Variants in ZNF613 observed in about 807,000 individuals in gnomAD.
ZNF613 encodes the protein zinc finger protein 613.
In ZNF613, 8 loss-of-function variants were observed where a neutral mutation model predicts 14.3. The ratio of observed to expected loss-of-function variants is 0.56; its 90% CI spans 0.33 to 1.01. ZNF613 has a LOEUF of 1.01. Among genes scored for constraint, ZNF613 ranks in the 50% least tolerant of loss-of-function variants. ZNF613 has a pLI of 0.03. For missense variants in ZNF613, 656 were observed against 741.9 expected (o/e 0.88, Z 1.35); for synonymous variants, 228 against 254.5 (o/e 0.90, Z 0.99).
intron 1 of ZNF613, among the ~76,000 whole-genome samples, chr19:51,929,154 G>A (rs984031248): frequency 1.4e-4 from 21 of 152,052 alleles, no homozygotes; most frequent in African/African-American, 5.1e-4. Flanking sequence ...ATAATTTGCC[G>A]TATTTAATTT....
Position 51,936,207 on chromosome 19 carries a change from A to G in ZNF613, c.-14A>G. On this transcript the variant is annotated 5_prime_UTR_variant, in exon 3 of 6. Coordinates refer to ENST00000293471, the MANE Select transcript of ZNF613 (RefSeq NM_001031721.4). ...GCATCCTACTTACTGGCTATTTCCCAGTAACAAAAGAAAATGATCAAGTCC... is the reference window on the plus strand; with the variant it reads ...GCATCCTACTTACTGGCTATTTCCCGGTAACAAAAGAAAATGATCAAGTCC... 2.5e-6 allele frequency: 4 copies of G among 1,604,696 alleles called. No individual in the cohort carries two copies. The highest frequency in any genetic ancestry group is 3.4e-6 in the Non-Finnish European group (4 of 1,175,404).
intron 2 of ZNF613, 80 bp from the exon 3 acceptor site, chr19:51,935,948 T>C (rs1263385829): frequency 5.3e-6 from 2 of 375,484 alleles, no homozygotes; most frequent in Non-Finnish European, 9.5e-6. Context: ...GAGATGGCCT[T>C]GCATTAAGGT....
At position 51,944,888 on chromosome 19, in the gene ZNF613, G is replaced by C. The variant is rs146941126; in HGVS notation, c.1005G>C (p.Gln335His). ...FSKRSRLTEH[Q>H]RTHTGEKPYE... Reference sequence around the variant, plus strand: ...AAAGGTCCAGGCTCACTGAACACCAGAGAACTCATACAGGAGAGAAACCCT... The same window carrying C: ...AAAGGTCCAGGCTCACTGAACACCACAGAACTCATACAGGAGAGAAACCCT... Residue 335 changes from glutamine (Q) to histidine (H), a missense_variant, in exon 6 of 6, where the codon CAG becomes CAC. Coordinates refer to ENST00000293471, the MANE Select transcript of ZNF613 (RefSeq NM_001031721.4). 1.9e-6 allele frequency: 3 copies of C among 1,613,250 alleles called. No homozygotes were observed. The highest frequency in any genetic ancestry group is 2.7e-5 in the African/African-American group (2 of 74,612).
intron 3 of ZNF613, among the ~76,000 whole-genome samples, chr19:51,939,001 C>T (rs926415468): frequency 2.6e-5 from 4 of 151,388 alleles, no homozygotes; most frequent in Non-Finnish European, 4.4e-5. Flanking sequence ...TATTTACAGA[C>T]GTATCTGCCT....
At chr19:51,939,931 C>T (rs1348365450) in intron 3 of ZNF613, among the ~76,000 whole-genome samples, 1 of 150,870 alleles carries the variant, frequency 6.6e-6, no homozygotes, top group Non-Finnish European at 1.5e-5. Flanking sequence ...AGAGGATTAG[C>T]AAGAGGATTA....
rs750365497 is a variant in ZNF613, at chr19:51,944,721, A to C, written c.838A>C (p.Lys280Gln). The C allele has an allele frequency of 6.2e-7, 1 of 1,613,910 alleles. No individual in the cohort carries two copies. The highest frequency in any genetic ancestry group is 8.5e-7 in the Non-Finnish European group (1 of 1,180,028). The change falls in exon 6 of 6, where the codon AAA (lysine) becomes CAA (glutamine). Residue 280 changes from lysine (K) to glutamine (Q), a missense_variant. By Grantham distance (53) the Lys-to-Gln change is moderately conservative. Coordinates refer to ENST00000293471, the MANE Select transcript of ZNF613 (RefSeq NM_001031721.4). ...RWKSQLNAHQ[K>Q]IHTGEKSYIC... ...GAAATCACAGCTCAATGCACACCAG[A>C]AAATTCATACAGGAGAGAAGTCATA...
Position 51,940,316 on chromosome 19 carries a change from T to A in ZNF613, c.123T>A (p.Tyr41Ter). 6.2e-7 allele frequency: 1 copy of A among 1,613,532 alleles called. No homozygotes were observed. Among genetic ancestry groups the A allele is most frequent in the Non-Finnish European group, 8.5e-7 (1 of 1,179,686 alleles). Residue 41 changes from tyrosine to a stop codon, truncating the protein, a stop_gained, in exon 4 of 6, where the codon TAT becomes TAA. Coordinates refer to ENST00000293471, the MANE Select transcript of ZNF613 (RefSeq NM_001031721.4). LOFTEE classifies it high-confidence loss of function. ...ACCGAGACGTGATGTTGGAGAACTA[T>A]AGCAACCTCGTGTCAGTGGGTGAGG... ...DLYRDVMLEN[Y>*]SNLVSVGYQA...
intron 1 of ZNF613, 32 bp from the exon 2 acceptor site, chr19:51,929,700 C>T (rs1330804145): frequency 1.3e-5 from 2 of 152,060 alleles, no homozygotes; most frequent in East Asian, 3.8e-4. Flanking sequence ...TCCTTCTACT[C>T]ATCATTAATC....
At chr19:51,930,825 G>A (rs762642002) in intron 2 of ZNF613, among the ~76,000 whole-genome samples, 7 of 152,058 alleles carry the variant, frequency 4.6e-5, no homozygotes, top group Non-Finnish European at 8.8e-5. Context: ...GGTATGTTTA[G>A]CCATTTGAGG....
At chr19:51,940,745 T>G in intron 5 of ZNF613, 36 bp downstream of exon 5, 1 of 1,567,224 alleles carries the variant, frequency 6.4e-7, no homozygotes, top group Non-Finnish European at 8.7e-7. Context: ...GGAGGGTGGC[T>G]GAGCAAGTCA....
rs1568463025 is a variant in ZNF613, at chr19:51,929,786, A to T, written c.-304A>T. 6.6e-6 allele frequency: 1 copy of T among 152,104 alleles called. No individual in the cohort carries two copies. Among genetic ancestry groups the T allele is most frequent in the African/African-American group, 2.4e-5 (1 of 41,410 alleles). The allele number at this position is 152,104 out of a possible 1,614,324, so 9.4% of individuals were successfully genotyped here. Reference sequence around the variant, plus strand: ...GATCTTGAACTCCTGACCTCAAGTGATCCTCTCTCCTTGGCCTCCTAAAGT... The same window carrying T: ...GATCTTGAACTCCTGACCTCAAGTGTTCCTCTCTCCTTGGCCTCCTAAAGT... On this transcript the variant is annotated 5_prime_UTR_variant, in exon 2 of 6. Coordinates refer to ENST00000293471, the MANE Select transcript of ZNF613 (RefSeq NM_001031721.4).
At chr19:51,935,733 T>C in intron 2 of ZNF613, among the ~76,000 whole-genome samples, 1 of 152,170 alleles carries the variant, frequency 6.6e-6, no homozygotes, top group Non-Finnish European at 1.5e-5. Flanking sequence ...ATCTAAGAAG[T>C]TTCTTGGTGT....
intron 1 of ZNF613, 121 bp downstream of exon 1, chr19:51,927,661 T>G (rs1201185524): frequency 6.6e-6 from 1 of 152,374 alleles, no homozygotes; most frequent in Non-Finnish European, 1.5e-5. Context: ...GGTATTGGGG[T>G]TGGGGCGTCT....
intron 5 of ZNF613, 31 bp downstream of exon 5, chr19:51,940,740 G>T (rs1317091370): frequency 6.3e-7 from 1 of 1,576,068 alleles, no homozygotes; most frequent in African/African-American, 1.4e-5. Context: ...AGCAAGGAGG[G>T]TGGCTGAGCA....
chr19:51,938,587 G>C (rs2085322346), intron 3 of ZNF613, among the ~76,000 whole-genome samples: 1 of 151,946 alleles, frequency 6.6e-6, no homozygotes, highest in African/African-American at 2.4e-5. Flanking sequence ...TAAGGGAATG[G>C]GTTGTTGGGA....
chr19:51,929,616 A>G (rs1440866649), intron 1 of ZNF613, 116 bp from the exon 2 acceptor site: 1 of 152,172 alleles, frequency 6.6e-6, no homozygotes, highest in Non-Finnish European at 1.5e-5. Flanking sequence ...ACAATTGAAT[A>G]CCTGTTTGCC....
At chr19:51,934,372 G>T (rs1174157042) in intron 2 of ZNF613, among the ~76,000 whole-genome samples, 1 of 152,052 alleles carries the variant, frequency 6.6e-6, no homozygotes, top group Non-Finnish European at 1.5e-5. Flanking sequence ...TGATGCAAGT[G>T]CACCTTCAGT....
chr19:51,945,280 C>T lies in ZNF613; in HGVS notation c.1397C>T (p.Ser466Leu), dbSNP rs1568468183. ...FVCTECGKSC[S>L]HKSGLINHQR... ...TGTACTGAGTGTGGAAAATCCTGCT[C>T]ACACAAGTCAGGTCTCATTAACCAC... The change falls in exon 6 of 6, where the codon TCA (serine) becomes TTA (leucine). Residue 466 changes from serine (S) to leucine (L), a missense_variant. By Grantham distance (145) the Ser-to-Leu change is moderately radical. Coordinates refer to ENST00000293471, the MANE Select transcript of ZNF613 (RefSeq NM_001031721.4). The T allele has an allele frequency of 1.9e-6, 3 of 1,613,990 alleles. No homozygotes were observed. Among genetic ancestry groups the T allele is most frequent in the African/African-American group, 2.7e-5 (2 of 74,988 alleles).
intron 3 of ZNF613, 31 bp from the exon 4 acceptor site, chr19:51,940,178 C>G (rs766413181): frequency 3.7e-6 from 6 of 1,609,706 alleles, no homozygotes; most frequent in Non-Finnish European, 4.2e-6. Context: ...GAGAGAAATA[C>G]TTCATATTAA....
Sources: gnomAD v4.1 joint callset for allele counts (sites outside exome capture counted in the v4.1 genomes callset) on GRCh38, gnomAD v4.1.1 for gene constraint, MANE v1.5 for transcripts, NCBI Gene and HGNC (gene_info 2026-07-23, HGNC 2026-07-21) for gene names.